The following L3MBTL2 variants were observed in gnomAD, a reference collection of about 807,000 sequenced individuals.
L3MBTL2 encodes L3MBTL histone methyl-lysine binding protein 2.
Under a neutral mutation model 86.4 loss-of-function variants are expected in L3MBTL2, and 49 were observed. The ratio of observed to expected loss-of-function variants is 0.57; its 90% CI spans 0.45 to 0.72. The LOEUF (loss-of-function observed/expected upper bound fraction) is 0.72, where lower values mean the gene tolerates loss of function less well. Ranked by LOEUF, L3MBTL2 falls within the 30% of genes least tolerant of loss-of-function variation. The pLI, the probability that L3MBTL2 is intolerant of heterozygous loss-of-function variation, is 0.00. For missense variants in L3MBTL2, 755 were observed against 923.7 expected (o/e 0.82, Z 2.37); for synonymous variants, 336 against 350.6 (o/e 0.96, Z 0.47).
Position 41,230,421 on chromosome 22 carries a change from C to A in L3MBTL2, c.*170C>A, listed in dbSNP as rs2032521944. ...AGGACCTGCTGGGGTCTCCTGGGAC[C>A]CGCCTGTTGCTTCTGCCCTCCCCTG... On this transcript the variant is annotated 3_prime_UTR_variant, in exon 17 of 17. Coordinates refer to ENST00000216237, the MANE Select transcript of L3MBTL2 (RefSeq NM_031488.5). 5.0e-6 allele frequency: 3 copies of A among 604,386 alleles called. No homozygotes were observed. Among genetic ancestry groups the A allele is most frequent in the Non-Finnish European group, 8.8e-6 (3 of 341,242 alleles). 37.4% of individuals were successfully genotyped at this position (604,386 alleles called of 1,614,324 possible). A position where few individuals can be genotyped will look rare whatever the true frequency, so the allele number is the denominator to read the frequency against.
intron 5 of L3MBTL2, 37 bp downstream of exon 5, chr22:41,217,239 G>T (rs1027212363): frequency 5.9e-6 from 9 of 1,536,582 alleles, no homozygotes; most frequent in Middle Eastern, 1.8e-4. Context: ...AGGCCGGGGA[G>T]CCGGGCCTGG....
At position 41,216,262 on chromosome 22, in the gene L3MBTL2, G is replaced by T. The variant is rs778603987; in HGVS notation, c.520G>T (p.Ala174Ser). The change falls in exon 4 of 17, where the codon GCT (alanine) becomes TCT (serine). Residue 174 changes from alanine (A) to serine (S), a missense_variant and splice_region_variant. Ala to Ser is a moderately conservative substitution (Grantham distance 99). Around this residue, in one of 3 missense-constraint regions of L3MBTL2, gnomAD observed 634 missense variants for 748.9 expected, o/e 0.85. Transcript: ENST00000216237. ...AGATGGGACACCAACAGGACAAGACGGTAAGATAGCAGAGGGCCCTGCTTA... is the reference window on the plus strand; with the variant it reads ...AGATGGGACACCAACAGGACAAGACTGTAAGATAGCAGAGGGCCCTGCTTA... The part of the protein sequence containing the change: ...LADGTPTGQD[A>S]LVLGFDWGKF... 1.9e-6 allele frequency: 3 copies of T among 1,612,650 alleles called. No individual in the cohort carries two copies. Among genetic ancestry groups the T allele is most frequent in the Non-Finnish European group, 2.5e-6 (3 of 1,179,058 alleles).
intron 3 of L3MBTL2, among the ~76,000 whole-genome samples, chr22:41,215,930 C>T (rs2031317241): frequency 6.6e-6 from 1 of 152,072 alleles, no homozygotes. Context: ...TGCAGCACTG[C>T]CTAGCACCCC....
chr22:41,218,992 A>G (rs139467), intron 5 of L3MBTL2: 117,866 of 159,692 alleles, frequency 0.74, 44,475 homozygotes, highest in African/African-American at 0.9. Context: ...GTGTGTAAAC[A>G]AGGGGGTCAT....
In L3MBTL2 at chr22:41,219,121, C is replaced by T. The variant is rs35025246; in HGVS notation, c.601-298C>T. ...AAGGGATCGAGGCTCACCAAGGCAT[C>T]ATGTGCCCAAAATGATACAGTAAGA... On this transcript the variant is annotated intron_variant, in intron 5 of 16. Coordinates refer to ENST00000216237, the MANE Select transcript of L3MBTL2 (RefSeq NM_031488.5). 6.5e-3 allele frequency: 1,868 copies of T among 289,390 alleles called. 12 individuals are homozygous for T. Among genetic ancestry groups the T allele is most frequent in the Non-Finnish European group, 0.01 (1,472 of 145,776 alleles). 17.9% of individuals were successfully genotyped at this position (289,390 alleles called of 1,614,324 possible).
At chr22:41,207,150 T>C (rs980443105) in intron 1 of L3MBTL2, among the ~76,000 whole-genome samples, 4 of 152,070 alleles carry the variant, frequency 2.6e-5, no homozygotes, top group African/African-American at 7.2e-5. Flanking sequence ...CCAGTAAAAA[T>C]TGGCAACCTT....
intron 2 of L3MBTL2, among the ~76,000 whole-genome samples, chr22:41,212,882 C>A (rs2031010683): frequency 7.7e-6 from 1 of 129,490 alleles, no homozygotes; most frequent in Non-Finnish European, 1.6e-5. Context: ...GCAACAAGAG[C>A]AAAACTCCAT....
At position 41,224,491 on chromosome 22, in the gene L3MBTL2, A is replaced by G. The variant is rs1014096438; in HGVS notation, c.1175-234A>G. ...CCAGCCCCGATCCTCTCCCCTGTCA[A>G]TGCGGGAGCAGTCTGGGTTTCGAGG... On this transcript the variant is annotated intron_variant, in intron 9 of 16. Transcript: ENST00000216237. The surrounding 1 kb of genome is among the most constrained non-coding windows in gnomAD (Gnocchi z 4.9). 1.3e-5 allele frequency among the ~76,000 whole-genome samples: 2 copies of G among 152,170 alleles called. No individual in the cohort carries two copies. Among genetic ancestry groups the G allele is most frequent in the Admixed American group, 1.3e-4 (2 of 15,272 alleles).
At chr22:41,219,374 A>C in intron 5 of L3MBTL2, 45 bp from the exon 6 acceptor site, 1 of 1,444,264 alleles carries the variant, frequency 6.9e-7, no homozygotes, top group Non-Finnish European at 9.7e-7. Context: ...CTCCCCTGCT[A>C]GCACAGTTAG....
intron 15 of L3MBTL2, 132 bp from the exon 16 acceptor site, chr22:41,229,408 G>T: frequency 1.1e-6 from 1 of 941,016 alleles, no homozygotes; most frequent in Non-Finnish European, 1.6e-6. Flanking sequence ...CAGAGTTGGA[G>T]TCCAGGCTTT....
intron 8 of L3MBTL2, among the ~76,000 whole-genome samples, chr22:41,222,444 T>A (rs1020583160): frequency 6.6e-6 from 1 of 152,332 alleles, no homozygotes; most frequent in African/African-American, 2.4e-5. Flanking sequence ...CTTTGTGGCA[T>A]TTAATTTTAA....
chr22:41,214,285 A>C (rs1019845256), intron 3 of L3MBTL2: 1 of 312,508 alleles, frequency 3.2e-6, no homozygotes, highest in African/African-American at 2.1e-5. Flanking sequence ...AACAAGAACT[A>C]TGGGGGAGTC....
intron 8 of L3MBTL2, 148 bp from the exon 9 acceptor site, chr22:41,223,872 G>C (rs975349914): frequency 1.5e-6 from 1 of 645,402 alleles, no homozygotes. Flanking sequence ...GGTGAGCCTG[G>C]CAGCGCAGGC....
intron 2 of L3MBTL2, among the ~76,000 whole-genome samples, chr22:41,213,457 C>CTTT (rs139449): frequency 1.4e-4 from 18 of 127,202 alleles, no homozygotes; most frequent in African/African-American, 3.8e-4. Flanking sequence ...CACACCTGGC[C>CTTT]TTTTTTTTTT....
intron 1 of L3MBTL2, among the ~76,000 whole-genome samples, chr22:41,205,786 A>G (rs1309916585): frequency 6.6e-6 from 1 of 152,050 alleles, no homozygotes; most frequent in East Asian, 1.9e-4. Context: ...GTTCACGTGC[A>G]TTATCTTCCA....
At chr22:41,226,967 C>A in intron 13 of L3MBTL2, 122 bp from the exon 14 acceptor site, 1 of 872,064 alleles carries the variant, frequency 1.1e-6, no homozygotes, top group Non-Finnish European at 1.8e-6. Flanking sequence ...GAGGAAGCTG[C>A]CCCAGCAGCC....
Position 41,226,015 on chromosome 22 carries a change from G to C in L3MBTL2, c.1504+74G>C. 7.2e-6 allele frequency: 11 copies of C among 1,527,858 alleles called. No individual in the cohort carries two copies. In the South Asian group the frequency reaches 1.3e-4, roughly 18 times the overall value. 94.6% of individuals were successfully genotyped at this position (1,527,858 alleles called of 1,614,324 possible). A position where few individuals can be genotyped will look rare whatever the true frequency, so the allele number is the denominator to read the frequency against. ...AGGGTGTCCAGGCGCGGTGGCTCCC[G>C]CCTGTAATCCTAGCACTTTGGGAGG... On this transcript the variant is annotated intron_variant, in intron 12 of 16. Coordinates refer to ENST00000216237, the MANE Select transcript of L3MBTL2 (RefSeq NM_031488.5).
intron 3 of L3MBTL2, 31 bp from the exon 4 acceptor site, chr22:41,216,108 G>A (rs374600147): frequency 6.2e-5 from 99 of 1,595,690 alleles, no homozygotes; most frequent in Non-Finnish European, 8.2e-5. Context: ...CCAGCCGCCA[G>A]GCTACACATA....
At chr22:41,208,395 G>A (rs4820432) in intron 1 of L3MBTL2, 254,792 of 412,644 alleles carry the variant, frequency 0.62, 80,303 homozygotes, top group East Asian at 0.8. Flanking sequence ...CTCCCAAAGT[G>A]CTGGGATTAC....
Sources: allele counts gnomAD v4.1 joint callset (sites outside exome capture counted in the v4.1 genomes callset), GRCh38; gene constraint gnomAD v4.1.1; regional missense constraint gnomAD v4.1.1; non-coding constraint Gnocchi (gnomAD v3.1); transcripts MANE v1.5; gene names NCBI Gene and HGNC (gene_info 2026-07-23, HGNC 2026-07-21).